The following ATP2B1 variants were observed in gnomAD, a reference collection of about 807,000 sequenced individuals.
ATP2B1 encodes plasma membrane calcium-transporting ATPase 1.
A neutral mutation model predicts 124.2 loss-of-function variants in ATP2B1; 14 were observed. The ratio of observed to expected loss-of-function variants is 0.11; its 90% CI spans 0.07 to 0.18. The LOEUF is 0.18. Ranked by LOEUF, ATP2B1 falls within the 10% of genes least tolerant of loss-of-function variation. The probability of loss-of-function intolerance (pLI) is 1.00; values close to 1 mark genes in which losing one functional copy is unlikely to be tolerated. For synonymous variants in ATP2B1, 449 were observed against 492.4 expected (o/e 0.91, Z 1.17); for missense variants, 763 against 1,466.1 (o/e 0.52, Z 7.83).
intron 12 of ATP2B1, among the ~76,000 whole-genome samples, chr12:89,613,930 A>G (rs1878501202): frequency 6.6e-6 from 1 of 152,216 alleles, no homozygotes; most frequent in Non-Finnish European, 1.5e-5. Flanking sequence ...CCAGAATTGC[A>G]CTGTACAAAA....
In ATP2B1 at chr12:89,680,215, A is replaced by C. The variant is rs142012149; in HGVS notation, c.-221-24108T>G. Reference sequence around the variant, plus strand: ...CTGATGAACATTCTCTCCACAAAACAATCACCCCCTGCCCCAAACACACTC... The same window carrying C: ...CTGATGAACATTCTCTCCACAAAACCATCACCCCCTGCCCCAAACACACTC... On this transcript the variant is annotated intron_variant, in intron 1 of 20. Transcript: ENST00000428670. 6.2e-4 allele frequency among the ~76,000 whole-genome samples: 95 copies of C among 152,308 alleles called. 2 individuals are homozygous for C. In the East Asian group the frequency reaches 0.017, roughly 27 times the overall value.
At chr12:89,668,811 C>A (rs1887594980) in intron 1 of ATP2B1, among the ~76,000 whole-genome samples, 1 of 152,158 alleles carries the variant, frequency 6.6e-6, no homozygotes, top group Admixed American at 6.5e-5. Context: ...CCATTTGTTC[C>A]AATATAGCTC....
intron 2 of ATP2B1, among the ~76,000 whole-genome samples, chr12:89,653,680 T>TCC (rs1885588761): frequency 5.9e-5 from 9 of 152,190 alleles, no homozygotes; most frequent in Admixed American, 5.2e-4. Context: ...TACATAACTA[T>TCC]CCCCTTCTCA....
intron 1 of ATP2B1, among the ~76,000 whole-genome samples, chr12:89,676,742 G>T (rs1193513987): frequency 1.3e-5 from 2 of 152,066 alleles, no homozygotes; most frequent in Non-Finnish European, 2.9e-5. Flanking sequence ...AATAGATACA[G>T]CTTATTCATT....
At chr12:89,624,553 A>G (rs189556740) in intron 8 of ATP2B1, among the ~76,000 whole-genome samples, 156 bp from the exon 9 acceptor site, 54 of 152,332 alleles carry the variant, frequency 3.5e-4, no homozygotes, top group Non-Finnish European at 7.1e-4. Context: ...ATAACTTGAC[A>G]TTGTCAGATT....
intron 1 of ATP2B1, among the ~76,000 whole-genome samples, chr12:89,657,093 T>C (rs1012045673): frequency 6.6e-6 from 1 of 152,208 alleles, no homozygotes; most frequent in Admixed American, 6.5e-5. Flanking sequence ...TGCCCAACAA[T>C]GGACTCATCT....
chr12:89,610,141 AAAAT>A, intron 14 of ATP2B1, 98 bp from the exon 15 acceptor site: 4 of 1,078,560 alleles, frequency 3.7e-6, no homozygotes, highest in Non-Finnish European at 5.3e-6. Context: ...CTCAAGGTTA[AAAAT>A]AAATAAACAA....
At chr12:89,618,443 A>G (rs1879386799) in intron 11 of ATP2B1, among the ~76,000 whole-genome samples, 1 of 152,212 alleles carries the variant, frequency 6.6e-6, no homozygotes, top group Non-Finnish European at 1.5e-5. Context: ...GTTGCAGAGA[A>G]AGAGTCAATG....
Position 89,603,020 on chromosome 12 carries a change from A to C in ATP2B1, c.3060+23T>G. On this transcript the variant is annotated intron_variant, in intron 18 of 20. Transcript: ENST00000428670. The surrounding 1 kb of genome is among the most constrained non-coding windows in gnomAD (Gnocchi z 4.3). ...TCTCCCATTTAACAGGCAAATTTGAAACTATCTTTTCCAATTACCCACCTG... is the reference window on the plus strand; with the variant it reads ...TCTCCCATTTAACAGGCAAATTTGACACTATCTTTTCCAATTACCCACCTG... The C allele has an allele frequency of 6.2e-7, 1 of 1,605,376 alleles. No homozygotes were observed. The highest frequency in any genetic ancestry group is 8.5e-7 in the Non-Finnish European group (1 of 1,173,630).
upstream of ATP2B1, chr12:89,709,065 C>G (rs1892898078): frequency 6.6e-6 from 1 of 151,186 alleles, no homozygotes; most frequent in Non-Finnish European, 1.5e-5. Flanking sequence ...CCTCCGTGAG[C>G]GCCGCAGCCC....
chr12:89,654,793 G>C (rs1885755978), intron 2 of ATP2B1, among the ~76,000 whole-genome samples: 1 of 152,000 alleles, frequency 6.6e-6, no homozygotes, highest in South Asian at 2.1e-4. Flanking sequence ...AATTTCTCTA[G>C]AATTAGCTTT....
chr12:89,607,199 T>A (rs79344622), intron 15 of ATP2B1, among the ~76,000 whole-genome samples: 1,604 of 152,222 alleles, frequency 0.011, 24 homozygotes, highest in African/African-American at 0.037. Flanking sequence ...AGAAAAAAAA[T>A]TCCTTATCAT....
chr12:89,665,327 G>A (rs1215042796), intron 1 of ATP2B1, among the ~76,000 whole-genome samples: 3 of 152,020 alleles, frequency 2.0e-5, no homozygotes, highest in African/African-American at 7.2e-5. Context: ...GACTCATATT[G>A]ATACATTCTG....
At chr12:89,674,392 G>C (rs995643996) in intron 1 of ATP2B1, among the ~76,000 whole-genome samples, 4 of 151,172 alleles carry the variant, frequency 2.6e-5, no homozygotes, top group Admixed American at 6.6e-5. Flanking sequence ...GAAAGATAAG[G>C]ATGGGTAAAT....
chr12:89,627,101 T>TA (rs1267203238), intron 7 of ATP2B1, among the ~76,000 whole-genome samples: 1 of 152,176 alleles, frequency 6.6e-6, no homozygotes, highest in African/African-American at 2.4e-5. Context: ...ATACTTGAAA[T>TA]ACTTAAGTTG....
chr12:89,664,647 C>A (rs1275729697), intron 1 of ATP2B1, among the ~76,000 whole-genome samples: 3 of 152,148 alleles, frequency 2.0e-5, no homozygotes, highest in Non-Finnish European at 2.9e-5. Flanking sequence ...CTGAGCCTCA[C>A]TCAGTTGATC....
intron 3 of ATP2B1, among the ~76,000 whole-genome samples, chr12:89,637,036 T>C (rs572810927): frequency 9.8e-5 from 15 of 152,340 alleles, no homozygotes; most frequent in East Asian, 5.8e-4. Flanking sequence ...AATCAGATGA[T>C]AGAACACCAT....
chr12:89,605,371 A>G (rs1876633388), intron 15 of ATP2B1, among the ~76,000 whole-genome samples: 1 of 152,184 alleles, frequency 6.6e-6, no homozygotes, highest in Non-Finnish European at 1.5e-5. Flanking sequence ...GCCCTCATGT[A>G]TGGATTAATA....
chr12:89,651,325 G>A (rs1043287464), intron 2 of ATP2B1, among the ~76,000 whole-genome samples: 1 of 152,130 alleles, frequency 6.6e-6, no homozygotes, highest in Admixed American at 6.5e-5. Context: ...GATCACACAT[G>A]GATCACTGCC....
Sources: allele counts gnomAD v4.1 joint callset (sites outside exome capture counted in the v4.1 genomes callset), GRCh38; gene constraint gnomAD v4.1.1; non-coding constraint Gnocchi (gnomAD v3.1); transcripts MANE v1.5; gene names NCBI Gene and HGNC (gene_info 2026-07-23, HGNC 2026-07-21).